Variants in ULK4 observed in about 807,000 individuals in gnomAD.
ULK4 encodes the protein inactive serine/threonine-protein kinase ULK4.
ULK4 carries 133 observed loss-of-function variants against 160.6 expected under a neutral mutation model. The ratio of observed to expected loss-of-function variants is 0.83; its 90% CI spans 0.72 to 0.96. The LOEUF (loss-of-function observed/expected upper bound fraction) is 0.96, where lower values mean the gene tolerates loss of function less well. Among genes scored for constraint, ULK4 ranks in the 40% least tolerant of loss-of-function variants. ULK4 has a pLI of 0.00. For synonymous variants in ULK4, 534 were observed against 539.8 expected (o/e 0.99, Z 0.15); for missense variants, 1,580 against 1,499.5 (o/e 1.05, Z -0.89).
At chr3:41,704,243 G>A (rs1221537499) in intron 27 of ULK4, among the ~76,000 whole-genome samples, 3 of 152,090 alleles carry the variant, frequency 2.0e-5, no homozygotes, top group East Asian at 3.9e-4. Flanking sequence ...ACAGAACACT[G>A]GAAACAGGCA....
chr3:41,837,032 T>G (rs768598771), intron 17 of ULK4, among the ~76,000 whole-genome samples: 4 of 152,234 alleles, frequency 2.6e-5, no homozygotes, highest in Non-Finnish European at 5.9e-5. Flanking sequence ...TTCTTACCAT[T>G]GACAAAGACG....
At chr3:41,837,923 C>T (rs1425838404) in intron 17 of ULK4, among the ~76,000 whole-genome samples, 1 of 152,208 alleles carries the variant, frequency 6.6e-6, no homozygotes, top group Non-Finnish European at 1.5e-5. Flanking sequence ...GTGTAACTCT[C>T]ACCACTCACT....
intron 31 of ULK4, among the ~76,000 whole-genome samples, chr3:41,608,757 C>A (rs1226905268): frequency 6.6e-6 from 1 of 152,144 alleles, no homozygotes; most frequent in Non-Finnish European, 1.5e-5. Flanking sequence ...CTTGCCATGG[C>A]CAGAATTCAG....
intron 5 of ULK4, among the ~76,000 whole-genome samples, chr3:41,931,045 G>A (rs925106542): frequency 3.9e-5 from 6 of 152,048 alleles, no homozygotes; most frequent in South Asian, 4.1e-4. Context: ...TGTTTATTGC[G>A]GCACTATTCA....
Position 41,370,669 on chromosome 3 carries a change from C to T in ULK4, c.3678+27410G>A, listed in dbSNP as rs1458941206. Among the ~76,000 whole-genome samples, 4 of 152,192 alleles carry T rather than the reference C, an allele frequency of 2.6e-5. No individual in the cohort carries two copies. In the East Asian group the frequency reaches 7.7e-4, roughly 29 times the overall value. The stretch of plus-strand genomic sequence containing the variant: ...CCCATGGTCTTTGCAACTTGCAGAC[C>T]AGGAAATTCCCGCAGGTGCCTACAC... On this transcript the variant is annotated intron_variant, in intron 35 of 36. Coordinates refer to ENST00000301831, the MANE Select transcript of ULK4 (RefSeq NM_017886.4).
chr3:41,849,864 C>A (rs1575823601), intron 17 of ULK4, among the ~76,000 whole-genome samples: 1 of 152,056 alleles, frequency 6.6e-6, no homozygotes, highest in East Asian at 1.9e-4. Flanking sequence ...ACACAACGTG[C>A]AGGTTTGTTA....
At chr3:41,658,168 C>A (rs1003261552) in intron 30 of ULK4, among the ~76,000 whole-genome samples, 1 of 152,182 alleles carries the variant, frequency 6.6e-6, no homozygotes, top group African/African-American at 2.4e-5. Context: ...CACTTGTACA[C>A]AGATGGTGGA....
intron 30 of ULK4, among the ~76,000 whole-genome samples, chr3:41,620,142 G>A (rs974459309): frequency 6.6e-6 from 1 of 152,068 alleles, no homozygotes; most frequent in Non-Finnish European, 1.5e-5. Context: ...GCCAAAAAGA[G>A]CCCAGGACCA....
Position 41,404,787 on chromosome 3 carries a change from G to A in ULK4, c.3493-6523C>T, listed in dbSNP as rs73828017. ...CCCTCTTGCACTTCCTTCATGTGAT[G>A]CCTTCTGGCATATTATGACACAGCA... On this transcript the variant is annotated intron_variant, in intron 34 of 36. Transcript: ENST00000301831. Among the ~76,000 whole-genome samples, 410 of 152,250 alleles carry A rather than the reference G, an allele frequency of 2.7e-3. 1 individual carries two copies. The highest frequency in any genetic ancestry group is 9.4e-3 in the African/African-American group (391 of 41,556).
rs996860151 is a variant in ULK4, at chr3:41,715,504, T to C, written c.2520A>G (p.Lys840=). ...GRKHPSTVQV[K]QLKLCLPLMP... ...TCAGGGGGAGACACAACTTCAGCTG[T>C]TTCACTTGAACTGTTGATGGGTGTT... Residue 840 remains lysine, a synonymous_variant, in exon 24 of 37, where the codon AAA becomes AAG. Transcript: ENST00000301831. 4 of 1,614,128 alleles carry C rather than the reference T, an allele frequency of 2.5e-6. No homozygotes were observed. In the Middle Eastern group the frequency reaches 5.0e-4, roughly 200 times the overall value.
At chr3:41,399,876 A>G (rs1220392979) in intron 34 of ULK4, among the ~76,000 whole-genome samples, 1 of 152,194 alleles carries the variant, frequency 6.6e-6, no homozygotes, top group African/African-American at 2.4e-5. Context: ...AAGTGCTGAG[A>G]GTACAGGCAA....
At chr3:41,853,118 A>C (rs1198720679) in intron 17 of ULK4, among the ~76,000 whole-genome samples, 2 of 152,154 alleles carry the variant, frequency 1.3e-5, no homozygotes, top group Non-Finnish European at 2.9e-5. Flanking sequence ...CTTAAATTTT[A>C]GGGTGCATCA....
chr3:41,764,171 T>C (rs934006762), intron 21 of ULK4, among the ~76,000 whole-genome samples: 2 of 152,196 alleles, frequency 1.3e-5, no homozygotes, highest in Non-Finnish European at 2.9e-5. Flanking sequence ...GAAAATATAA[T>C]CTTACACGTG....
chr3:41,863,547 G>A (rs1018480252), intron 17 of ULK4, among the ~76,000 whole-genome samples: 1 of 151,938 alleles, frequency 6.6e-6, no homozygotes, highest in African/African-American at 2.4e-5. Context: ...CTAGTTATGT[G>A]GTAAGTCTCA....
chr3:41,694,891 C>G (rs531874154), intron 27 of ULK4, among the ~76,000 whole-genome samples: 72 of 152,318 alleles, frequency 4.7e-4, no homozygotes, highest in African/African-American at 1.6e-3. Flanking sequence ...CCGTCTGTGA[C>G]TATATGGTAT....
At chr3:41,867,906 T>C (rs183834338) in intron 17 of ULK4, among the ~76,000 whole-genome samples, 1 of 152,216 alleles carries the variant, frequency 6.6e-6, no homozygotes, top group Non-Finnish European at 1.5e-5. Context: ...TTTTTCTTAA[T>C]TTCCTGACAT....
At chr3:41,819,372 A>C in intron 19 of ULK4, 51 bp downstream of exon 19, 4 of 1,555,380 alleles carry the variant, frequency 2.6e-6, no homozygotes, top group Non-Finnish European at 3.5e-6. Flanking sequence ...ACAGTGCCTG[A>C]AGGGTTATTA....
intron 31 of ULK4, among the ~76,000 whole-genome samples, chr3:41,603,857 T>C (rs1042102123): frequency 3.3e-5 from 5 of 152,154 alleles, no homozygotes; most frequent in African/African-American, 1.2e-4. Context: ...TTTACAAATA[T>C]ATTTTTAAAA....
intron 35 of ULK4, among the ~76,000 whole-genome samples, chr3:41,311,959 C>T (rs2080058965): frequency 8.4e-6 from 1 of 119,234 alleles, no homozygotes; most frequent in African/African-American, 4.6e-5. Context: ...TTCTAACACA[C>T]ATTTATTTTA....
Sources: gnomAD v4.1 joint callset for allele counts (sites outside exome capture counted in the v4.1 genomes callset) on GRCh38, gnomAD v4.1.1 for gene constraint, MANE v1.5 for transcripts, NCBI Gene and HGNC (gene_info 2026-07-23, HGNC 2026-07-21) for gene names.